FBXL7: variants seen among roughly 807,000 people sequenced by gnomAD.
FBXL7 encodes F-box/LRR-repeat protein 7.
A neutral mutation model predicts 38.3 loss-of-function variants in FBXL7; 12 were observed. The observed-to-expected ratio is 0.31, with a 90% CI of 0.20 to 0.51. The LOEUF is 0.51. Ranked by LOEUF, FBXL7 falls within the 20% of genes least tolerant of loss-of-function variation. The pLI, the probability that FBXL7 is intolerant of heterozygous loss-of-function variation, is 0.98. For synonymous variants in FBXL7, 297 were observed against 300.9 expected, an observed-to-expected ratio of 0.99 and a Z score of 0.13; for missense variants, 567 against 676.4, an observed-to-expected ratio of 0.84 and a Z score of 1.79.
At chr5:15,843,204 G>A (rs1051854136) in intron 2 of FBXL7, among the ~76,000 whole-genome samples, 1 of 151,958 alleles carries the variant, frequency 6.6e-6, no homozygotes, top group Non-Finnish European at 1.5e-5. Flanking sequence ...ATAAGCTTTT[G>A]CCTTTGTCAA....
chr5:15,542,931 G>A (rs1737796817), intron 1 of FBXL7, among the ~76,000 whole-genome samples: 1 of 152,136 alleles, frequency 6.6e-6, no homozygotes. Context: ...AAAGCAGGTT[G>A]GGGAATCAGG....
intron 1 of FBXL7, among the ~76,000 whole-genome samples, chr5:15,523,476 G>A (rs895142921): frequency 3.3e-5 from 5 of 151,780 alleles, no homozygotes; most frequent in Non-Finnish European, 7.4e-5. Context: ...GGAGAATGGC[G>A]TGAACCCGGG....
chr5:15,551,270 A>C (rs1024784547), intron 1 of FBXL7, among the ~76,000 whole-genome samples: 2 of 152,220 alleles, frequency 1.3e-5, no homozygotes, highest in African/African-American at 4.8e-5. Flanking sequence ...GACCCGGAGC[A>C]TCTACGTTGC....
intron 2 of FBXL7, among the ~76,000 whole-genome samples, chr5:15,769,706 C>A: frequency 6.8e-6 from 1 of 146,198 alleles, no homozygotes; most frequent in Non-Finnish European, 1.5e-5. Context: ...CAAATAAATT[C>A]AGTAGGATCC....
At chr5:15,851,226 A>G (rs973234620) in intron 2 of FBXL7, among the ~76,000 whole-genome samples, 2 of 152,188 alleles carry the variant, frequency 1.3e-5, no homozygotes, top group African/African-American at 4.8e-5. Flanking sequence ...ACCACTGTTC[A>G]GAGAATTTTT....
Position 15,555,997 on chromosome 5 carries a change from CTATCTATCTATCT to C in FBXL7, c.37+55285_37+55297del, listed in dbSNP as rs1385778847. Among the ~76,000 whole-genome samples the C allele has an allele frequency of 3.9e-4, 47 of 121,272 alleles. 1 individual carries two copies. Among genetic ancestry groups the C allele is most frequent in the African/African-American group, 1.4e-3 (39 of 27,928 alleles). 79.6% of individuals were successfully genotyped at this position (121,272 alleles called of 152,430 possible). The stretch of plus-strand genomic sequence containing the variant: ...ATCATCTATCTATCTATCTATCTAT[CTATCTATCTATCT>C]ATCTATCATCTATCAGTCTATCATC... On this transcript the variant is annotated intron_variant, in intron 1 of 3. Transcript: ENST00000504595.
At chr5:15,875,104 A>C (rs1412326784) in intron 2 of FBXL7, among the ~76,000 whole-genome samples, 1 of 152,014 alleles carries the variant, frequency 6.6e-6, no homozygotes, top group African/African-American at 2.4e-5. Flanking sequence ...CTCAGAAATA[A>C]CGTCACACAT....
At chr5:15,918,955 A>G (rs1395343788) in intron 2 of FBXL7, among the ~76,000 whole-genome samples, 4 of 152,260 alleles carry the variant, frequency 2.6e-5, no homozygotes, top group African/African-American at 9.6e-5. Context: ...TAGGTTGTGT[A>G]GATGATCTGA....
intron 2 of FBXL7, among the ~76,000 whole-genome samples, chr5:15,859,621 C>T (rs1307251464): frequency 1.3e-5 from 2 of 152,060 alleles, no homozygotes; most frequent in Non-Finnish European, 2.9e-5. Context: ...GAGGAACTCC[C>T]TTTTATAAAA....
At chr5:15,845,895 C>G (rs1738885235) in intron 2 of FBXL7, among the ~76,000 whole-genome samples, 2 of 152,180 alleles carry the variant, frequency 1.3e-5, no homozygotes, top group South Asian at 2.1e-4. Flanking sequence ...GGCGTGAACC[C>G]CAGGAGGCGG....
chr5:15,782,876 GAAAAGT>G (rs1737034865), intron 2 of FBXL7, among the ~76,000 whole-genome samples: 1 of 152,114 alleles, frequency 6.6e-6, no homozygotes. Context: ...ACAAATAGTG[GAAAAGT>G]AAATCTAGGA....
chr5:15,756,346 T>G (rs779261331), intron 2 of FBXL7, among the ~76,000 whole-genome samples: 19 of 152,220 alleles, frequency 1.2e-4, no homozygotes, highest in Non-Finnish European at 2.5e-4. Flanking sequence ...TCTACCTTCA[T>G]GTAAATGGGA....
At chr5:15,520,423 T>C (rs918136928) in intron 1 of FBXL7, among the ~76,000 whole-genome samples, 1 of 152,214 alleles carries the variant, frequency 6.6e-6, no homozygotes, top group Non-Finnish European at 1.5e-5. Context: ...AGAATTTCAT[T>C]GTTCTGAGAG....
At chr5:15,667,544 T>C (rs1742324564) in intron 2 of FBXL7, among the ~76,000 whole-genome samples, 1 of 152,214 alleles carries the variant, frequency 6.6e-6, no homozygotes, top group Non-Finnish European at 1.5e-5. Context: ...TTCATTCAAA[T>C]ACCCGCCTAT....
intron 2 of FBXL7, among the ~76,000 whole-genome samples, chr5:15,872,985 T>C (rs916793964): frequency 1.3e-5 from 2 of 152,210 alleles, no homozygotes; most frequent in Non-Finnish European, 2.9e-5. Context: ...TACATTCTTC[T>C]CAGCACCACA....
chr5:15,545,844 C>G (rs543587851), intron 1 of FBXL7, among the ~76,000 whole-genome samples: 2 of 152,152 alleles, frequency 1.3e-5, no homozygotes, highest in African/African-American at 2.4e-5. Flanking sequence ...CCTAGTGAAA[C>G]TTTCTTGCAG....
At chr5:15,546,583 T>G (rs966098771) in intron 1 of FBXL7, among the ~76,000 whole-genome samples, 5 of 150,848 alleles carry the variant, frequency 3.3e-5, no homozygotes, top group Admixed American at 3.3e-4. Context: ...AAACAAAAAT[T>G]AGCTGGGTGT....
At chr5:15,871,361 G>A (rs1021143196) in intron 2 of FBXL7, among the ~76,000 whole-genome samples, 2 of 152,174 alleles carry the variant, frequency 1.3e-5, no homozygotes, top group African/African-American at 4.8e-5. Context: ...GCACAAAAAG[G>A]CTGAAAATTC....
intron 1 of FBXL7, among the ~76,000 whole-genome samples, chr5:15,549,060 A>G (rs1268666991): frequency 1.3e-5 from 2 of 152,320 alleles, no homozygotes; most frequent in East Asian, 3.9e-4. Context: ...GTAGCGTTTC[A>G]TCTTGTAGCC....
Sources: allele counts gnomAD v4.1 joint callset (sites outside exome capture counted in the v4.1 genomes callset), GRCh38; gene constraint gnomAD v4.1.1; transcripts MANE v1.5; gene names NCBI Gene and HGNC (gene_info 2026-07-23, HGNC 2026-07-21).